Variants in CAMTA1 observed in about 807,000 individuals in gnomAD.
CAMTA1 encodes calmodulin binding transcription activator 1.
CAMTA1 carries 27 observed loss-of-function variants against 170.9 expected under a neutral mutation model. That is an observed-to-expected ratio of 0.16 (90% CI 0.12 to 0.22). CAMTA1 has a LOEUF of 0.22. Ranked by LOEUF, CAMTA1 falls within the 10% of genes least tolerant of loss-of-function variation. The pLI is 1.00. For missense variants in CAMTA1, 1,619 were observed against 2,217.2 expected (o/e 0.73, Z 5.42); for synonymous variants, 833 against 891.5 (o/e 0.93, Z 1.17).
intron 4 of CAMTA1, among the ~76,000 whole-genome samples, chr1:7,120,787 G>A (rs1248403562): frequency 2.0e-5 from 3 of 152,194 alleles, no homozygotes; most frequent in African/African-American, 7.2e-5. Flanking sequence ...CTCCCTATGG[G>A]TCAAGAGGTT....
intron 3 of CAMTA1, among the ~76,000 whole-genome samples, chr1:7,069,556 C>T (rs1638320992): frequency 6.6e-6 from 1 of 152,090 alleles, no homozygotes; most frequent in African/African-American, 2.4e-5. Flanking sequence ...GTCAGCGGAC[C>T]GTTTGGGCCA....
intron 3 of CAMTA1, among the ~76,000 whole-genome samples, chr1:6,973,059 C>A (rs1318036932): frequency 6.6e-6 from 1 of 152,052 alleles, no homozygotes; most frequent in Non-Finnish European, 1.5e-5. Flanking sequence ...GTCACGTTGG[C>A]CAGGCTGGTC....
chr1:7,225,467 G>C (rs868560761), intron 4 of CAMTA1, among the ~76,000 whole-genome samples: 1 of 152,118 alleles, frequency 6.6e-6, no homozygotes, highest in South Asian at 2.1e-4. Flanking sequence ...CCTTTTCTCC[G>C]AGTGGCCCTG....
intron 3 of CAMTA1, among the ~76,000 whole-genome samples, chr1:7,055,066 G>A (rs1006573347): frequency 2.6e-5 from 4 of 152,088 alleles, no homozygotes; most frequent in Admixed American, 1.3e-4. Flanking sequence ...GAGCAGCACC[G>A]AGGGGATGCC....
At chr1:6,981,663 T>C (rs1048032224) in intron 3 of CAMTA1, among the ~76,000 whole-genome samples, 2 of 152,198 alleles carry the variant, frequency 1.3e-5, no homozygotes, top group African/African-American at 4.8e-5. Context: ...CTTAAACTCC[T>C]GGATTCAAGT....
At chr1:7,544,221 A>G (rs1436311328) in intron 6 of CAMTA1, among the ~76,000 whole-genome samples, 2 of 152,234 alleles carry the variant, frequency 1.3e-5, no homozygotes, top group African/African-American at 4.8e-5. Context: ...GAGAAAAATG[A>G]AGAAGATGCA....
At chr1:6,972,456 A>G (rs1460661697) in intron 3 of CAMTA1, among the ~76,000 whole-genome samples, 1 of 152,104 alleles carries the variant, frequency 6.6e-6, no homozygotes, top group Non-Finnish European at 1.5e-5. Flanking sequence ...TTTAGTAAGC[A>G]CTTCTGTGTG....
chr1:7,682,914 G>C lies in CAMTA1; in HGVS notation c.2914+5181G>C, dbSNP rs1010237056. Among the ~76,000 whole-genome samples the C allele has an allele frequency of 2.0e-5, 3 of 152,250 alleles. No individual in the cohort carries two copies. The highest frequency in any genetic ancestry group is 4.4e-5 in the Non-Finnish European group (3 of 68,044). ...TGGCTGGGTGCGGTGGCTCACGCCTGTGATCCCAGCACTTTGGGAGGCCGA... is the reference window on the plus strand; with the variant it reads ...TGGCTGGGTGCGGTGGCTCACGCCTCTGATCCCAGCACTTTGGGAGGCCGA... On this transcript the variant is annotated intron_variant, in intron 11 of 22. Coordinates refer to ENST00000303635, the MANE Select transcript of CAMTA1 (RefSeq NM_015215.4). The surrounding 1 kb of genome is among the most constrained non-coding windows in gnomAD (Gnocchi z 5.0).
chr1:7,209,799 C>T (rs1156864363), intron 4 of CAMTA1, among the ~76,000 whole-genome samples: 4 of 152,328 alleles, frequency 2.6e-5, no homozygotes, highest in African/African-American at 7.2e-5. Context: ...TCTGACATTA[C>T]ATAGCATTTA....
chr1:7,408,709 G>A (rs2090480978), intron 5 of CAMTA1, among the ~76,000 whole-genome samples: 1 of 152,226 alleles, frequency 6.6e-6, no homozygotes, highest in South Asian at 2.1e-4. Flanking sequence ...TGGGCGCCAG[G>A]CGGCCTGGGT....
At chr1:7,287,251 C>T (rs545293624) in intron 5 of CAMTA1, among the ~76,000 whole-genome samples, 1 of 152,172 alleles carries the variant, frequency 6.6e-6, no homozygotes, top group East Asian at 1.9e-4. Flanking sequence ...CAAGGGCGCC[C>T]CTGTGTTCTG....
intron 5 of CAMTA1, among the ~76,000 whole-genome samples, chr1:7,270,291 A>ATATAT (rs1336977888): frequency 1.6e-4 from 18 of 110,546 alleles, no homozygotes; most frequent in African/African-American, 6.1e-4. Flanking sequence ...ATATATATAT[A>ATATAT]TTTTTTTTTT....
Position 7,426,077 on chromosome 1 carries a change from C to T in CAMTA1, c.439-41753C>T, listed in dbSNP as rs2091863071. 6.6e-6 allele frequency among the ~76,000 whole-genome samples: 1 copy of T among 152,226 alleles called. No homozygotes were observed. ...GAAAAGGTGGCAGGGTAGGGGCCTCCTGGCATCTGCAGGGCTCCTCCCTCC... is the reference window on the plus strand; with the variant it reads ...GAAAAGGTGGCAGGGTAGGGGCCTCTTGGCATCTGCAGGGCTCCTCCCTCC... On this transcript the variant is annotated intron_variant, in intron 5 of 22. Coordinates refer to ENST00000303635, the MANE Select transcript of CAMTA1 (RefSeq NM_015215.4). The surrounding 1 kb of genome is among the most constrained non-coding windows in gnomAD (Gnocchi z 4.8).
In CAMTA1 at chr1:7,146,545, C is replaced by A. The variant is rs1288091986; in HGVS notation, c.302+55174C>A. Among the ~76,000 whole-genome samples the A allele has an allele frequency of 6.6e-6, 1 of 152,060 alleles. No homozygotes were observed. Among genetic ancestry groups the A allele is most frequent in the Middle Eastern group, 3.2e-3 (1 of 316 alleles). On this transcript the variant is annotated intron_variant, in intron 4 of 22. Coordinates refer to ENST00000303635, the MANE Select transcript of CAMTA1 (RefSeq NM_015215.4). The surrounding 1 kb of genome is among the most constrained non-coding windows in gnomAD (Gnocchi z 4.3). ...CTGCCGCCCAGCAGGACACTCATCA[C>A]CATGGCCTTCCTTGACCCCGGCCAC...
At chr1:7,436,592 C>A (rs1317218841) in intron 5 of CAMTA1, among the ~76,000 whole-genome samples, 1 of 152,166 alleles carries the variant, frequency 6.6e-6, no homozygotes, top group African/African-American at 2.4e-5. Context: ...AGGGGTCCCT[C>A]CTTGCCAGGG....
chr1:7,078,678 A>G (rs940857903), intron 3 of CAMTA1, among the ~76,000 whole-genome samples: 1 of 152,248 alleles, frequency 6.6e-6, no homozygotes, highest in Non-Finnish European at 1.5e-5. Flanking sequence ...ACAAACAATG[A>G]TAAAACTGGA....
At position 6,949,734 on chromosome 1, in the gene CAMTA1, T is replaced by A. The variant is rs558029054; in HGVS notation, c.234+124524T>A. Among the ~76,000 whole-genome samples, 3 of 152,344 alleles carry A rather than the reference T, an allele frequency of 2.0e-5. No homozygotes were observed. In the South Asian group the frequency reaches 6.2e-4, roughly 32 times the overall value. ...CAATCTTCTCACTGTAGAGCTAACC[T>A]AGTCCAACAAGTTCATTTTTCAAAA... On this transcript the variant is annotated intron_variant, in intron 3 of 22. Coordinates refer to ENST00000303635, the MANE Select transcript of CAMTA1 (RefSeq NM_015215.4).
rs1674620262 is a variant in CAMTA1 at position 7,300,665 on chromosome 1, C to T, written c.438+51039C>T. ...GCACTCCAGCCTGGACAACAAAGAG[C>T]AAAACTCTGTCTCAAAAAAAAAAAA... On this transcript the variant is annotated intron_variant, in intron 5 of 22. Transcript: ENST00000303635. The surrounding 1 kb of genome is among the most constrained non-coding windows in gnomAD (Gnocchi z 4.1). Among the ~76,000 whole-genome samples, 1 of 150,344 alleles carries T rather than the reference C, an allele frequency of 6.7e-6. No homozygotes were observed. Among genetic ancestry groups the T allele is most frequent in the East Asian group, 2.0e-4 (1 of 5,124 alleles).
At chr1:7,544,307 C>T (rs1292066053) in intron 6 of CAMTA1, among the ~76,000 whole-genome samples, 2 of 152,162 alleles carry the variant, frequency 1.3e-5, no homozygotes, top group African/African-American at 4.8e-5. Flanking sequence ...TGGGGGCAAC[C>T]GCCCCATGAT....
Sources: gnomAD v4.1 joint callset for allele counts (sites outside exome capture counted in the v4.1 genomes callset) on GRCh38, gnomAD v4.1.1 for gene constraint, Gnocchi (gnomAD v3.1) non-coding constraint, MANE v1.5 for transcripts, NCBI Gene and HGNC (gene_info 2026-07-23, HGNC 2026-07-21) for gene names.